Variants in CEP85L observed in about 807,000 individuals in gnomAD.
The protein encoded by CEP85L is centrosomal protein 85L, also known as centrosomal protein of 85 kDa-like.
CEP85L carries 60 observed loss-of-function variants against 100.3 expected under a neutral mutation model. The observed-to-expected ratio is 0.60, with a 90% CI of 0.49 to 0.74. The LOEUF (loss-of-function observed/expected upper bound fraction) is 0.74. Ranked by LOEUF, CEP85L falls within the 30% of genes least tolerant of loss-of-function variation. The probability of loss-of-function intolerance (pLI) is 0.00; values close to 1 mark genes in which losing one functional copy is unlikely to be tolerated. For synonymous variants in CEP85L, 319 were observed against 322.7 expected (o/e 0.99, Z 0.12); for missense variants, 973 against 936.2 (o/e 1.04, Z -0.51).
Position 118,576,997 on chromosome 6 carries a change from G to C in CEP85L, c.233-10681C>G, listed in dbSNP as rs549375591. ...TCCTCTGATCAACCGGGCATGAACT[G>C]TATGGTAGCCCTCTTCCAAAATCCC... On this transcript the variant is annotated intron_variant, in intron 2 of 12. Coordinates refer to ENST00000368491, the MANE Select transcript of CEP85L (RefSeq NM_001042475.3). Among the ~76,000 whole-genome samples the C allele has an allele frequency of 1.2e-3, 178 of 152,244 alleles. 4 individuals carry two copies. In the South Asian group the frequency reaches 0.02, roughly 17 times the overall value.
At chr6:118,668,399 A>G (rs1354791457) in intron 1 of CEP85L, among the ~76,000 whole-genome samples, 2 of 152,194 alleles carry the variant, frequency 1.3e-5, no homozygotes, top group Non-Finnish European at 2.9e-5. Context: ...CAGACTTCAA[A>G]TGGATAGAGA....
chr6:118,499,361 C>G (rs928516976), intron 5 of CEP85L, among the ~76,000 whole-genome samples: 1 of 151,988 alleles, frequency 6.6e-6, no homozygotes, highest in African/African-American at 2.4e-5. Context: ...AAATCTAACA[C>G]CCATTCATGA....
intron 1 of CEP85L, among the ~76,000 whole-genome samples, chr6:118,665,592 C>T (rs1478932069): frequency 6.6e-6 from 1 of 152,012 alleles, no homozygotes; most frequent in Non-Finnish European, 1.5e-5. Flanking sequence ...TGCCTGGGCT[C>T]AAGCAATCCT....
At position 118,527,580 on chromosome 6, in the gene CEP85L, T is replaced by C. The variant is rs150144577; in HGVS notation, c.1021-3660A>G. 1.3e-5 allele frequency among the ~76,000 whole-genome samples: 2 copies of C among 152,286 alleles called. 1 individual carries two copies. The highest frequency in any genetic ancestry group is 2.9e-5 in the Non-Finnish European group (2 of 68,014). On this transcript the variant is annotated intron_variant, in intron 3 of 12. Coordinates refer to ENST00000368491, the MANE Select transcript of CEP85L (RefSeq NM_001042475.3). ...AATGAAACTCCGCATTACCTACTGATTATCAATTTAATGGGTAAGTCATTT... is the reference window on the plus strand; with the variant it reads ...AATGAAACTCCGCATTACCTACTGACTATCAATTTAATGGGTAAGTCATTT...
upstream of CEP85L, among the ~76,000 whole-genome samples, chr6:118,655,800 A>G (rs552244968): frequency 1.3e-5 from 2 of 152,286 alleles, no homozygotes; most frequent in South Asian, 2.1e-4. Context: ...TTGAGTATAT[A>G]CTTCCAATGA....
At chr6:118,467,609 A>G (rs1478539471) in intron 12 of CEP85L, among the ~76,000 whole-genome samples, 2 of 152,214 alleles carry the variant, frequency 1.3e-5, no homozygotes, top group Non-Finnish European at 2.9e-5. Flanking sequence ...TAAGATTCAC[A>G]TTAGGATAGC....
intron 1 of CEP85L, among the ~76,000 whole-genome samples, chr6:118,707,250 T>C (rs1218394555): frequency 6.7e-6 from 1 of 149,480 alleles, no homozygotes; most frequent in Non-Finnish European, 1.5e-5. Context: ...ACTGAGCTCA[T>C]TGGAGCCTCA....
chr6:118,474,886 G>C (rs1773237441), intron 10 of CEP85L, among the ~76,000 whole-genome samples: 1 of 152,190 alleles, frequency 6.6e-6, no homozygotes, highest in African/African-American at 2.4e-5. Context: ...TAAATCCATA[G>C]ACTACTTTCC....
At chr6:118,501,993 G>A (rs1775335973) in intron 5 of CEP85L, 1 of 823,660 alleles carries the variant, frequency 1.2e-6, no homozygotes, top group East Asian at 2.5e-5. Context: ...TGACCAGGTG[G>A]CTTGTTAACA....
chr6:118,578,530 G>C (rs1170699671), intron 2 of CEP85L, among the ~76,000 whole-genome samples: 1 of 152,118 alleles, frequency 6.6e-6, no homozygotes, highest in African/African-American at 2.4e-5. Flanking sequence ...AGGAGATTGA[G>C]ACCATCCCAG....
At chr6:118,601,959 G>A (rs6928972) in intron 2 of CEP85L, among the ~76,000 whole-genome samples, 16 of 152,260 alleles carry the variant, frequency 1.1e-4, no homozygotes, top group African/African-American at 2.9e-4. Flanking sequence ...TGCCTTAACC[G>A]TCTGGGAATG....
chr6:118,508,287 A>G (rs1775776394), intron 5 of CEP85L, among the ~76,000 whole-genome samples: 1 of 152,118 alleles, frequency 6.6e-6, no homozygotes. Context: ...TAAAATGGAA[A>G]GAAAAGAAAT....
chr6:118,568,698 G>T (rs1779690144), intron 2 of CEP85L, among the ~76,000 whole-genome samples: 1 of 152,138 alleles, frequency 6.6e-6, no homozygotes, highest in Non-Finnish European at 1.5e-5. Context: ...GTTGCCAATG[G>T]ATTAAAGCAA....
chr6:118,704,279 T>C (rs928383453), intron 1 of CEP85L, among the ~76,000 whole-genome samples: 4 of 152,224 alleles, frequency 2.6e-5, no homozygotes, highest in Non-Finnish European at 5.9e-5. Flanking sequence ...GCATGTTATT[T>C]TAGGGTCATT....
chr6:118,648,180 G>A (rs1276078350), intron 1 of CEP85L, among the ~76,000 whole-genome samples: 1 of 152,174 alleles, frequency 6.6e-6, no homozygotes, highest in African/African-American at 2.4e-5. Context: ...CTTGGAACCG[G>A]GAGGCGGAAG....
rs746693066 is a variant in CEP85L, at chr6:118,511,339, G to A, written c.1216C>T (p.His406Tyr). 2.5e-5 allele frequency: 40 copies of A among 1,612,740 alleles called. No homozygotes were observed. The South Asian group carries it at 4.2e-4, about 17-fold the overall frequency. Residue 406 changes from histidine (H) to tyrosine (Y), a missense_variant, in exon 5 of 13, where the codon CAT (histidine) becomes TAT (tyrosine). Coordinates refer to ENST00000368491, the MANE Select transcript of CEP85L (RefSeq NM_001042475.3). ...TAAGAATCCTCACAATTTACATAAT[G>A]TCCTAACATGGCATGTTGAGCCCGT... The part of the protein sequence containing the change: ...ELRAQHAMLG[H>Y]YVNCEDSYVA...
At chr6:118,653,747 GTA>G (rs980019778), upstream of CEP85L, among the ~76,000 whole-genome samples, 22 of 126,882 alleles carry the variant, frequency 1.7e-4, 1 homozygote, top group Middle Eastern at 4.2e-3. Context: ...GTGACTCTGT[GTA>G]TGTGTGTGTG....
intron 1 of CEP85L, among the ~76,000 whole-genome samples, chr6:118,672,580 A>T (rs1776340585): frequency 6.6e-6 from 1 of 152,150 alleles, no homozygotes; most frequent in Admixed American, 6.5e-5. Flanking sequence ...AGCCTGGGCA[A>T]CATGGTGAGA....
chr6:118,624,278 A>T (rs976138255), intron 2 of CEP85L, among the ~76,000 whole-genome samples: 1 of 152,148 alleles, frequency 6.6e-6, no homozygotes, highest in African/African-American at 2.4e-5. Context: ...TCATCATATT[A>T]AACAGTATAC....
Sources: allele counts gnomAD v4.1 joint callset (sites outside exome capture counted in the v4.1 genomes callset), GRCh38; gene constraint gnomAD v4.1.1; transcripts MANE v1.5; gene names NCBI Gene and HGNC (gene_info 2026-07-23, HGNC 2026-07-21).